Variants in GTF2IRD1 observed in about 807,000 individuals in gnomAD.
GTF2IRD1 encodes GTF2I repeat domain containing 1, also known as general transcription factor II-I repeat domain-containing protein 1.
Under a neutral mutation model 113.2 loss-of-function variants are expected in GTF2IRD1, and 26 were observed. That is an observed-to-expected ratio of 0.23 (90% CI 0.17 to 0.32). The LOEUF (loss-of-function observed/expected upper bound fraction) is 0.32, where lower values mean the gene tolerates loss of function less well. Ranked by LOEUF, GTF2IRD1 falls within the 10% of genes least tolerant of loss-of-function variation. The pLI, the probability that GTF2IRD1 is intolerant of heterozygous loss-of-function variation, is 1.00. For missense variants in GTF2IRD1, 864 were observed against 1,280.8 expected, an observed-to-expected ratio of 0.67 and a Z score of 4.97; for synonymous variants, 484 against 529.1, an observed-to-expected ratio of 0.91 and a Z score of 1.17.
chr7:74,496,115 C>T (rs1347015201), intron 1 of GTF2IRD1, among the ~76,000 whole-genome samples: 1 of 151,378 alleles, frequency 6.6e-6, no homozygotes, highest in Non-Finnish European at 1.5e-5. Context: ...TGTGTGTATG[C>T]ATGTGTGAGT....
rs181198392 is a variant in GTF2IRD1, at chr7:74,478,099, T to G, written c.-7+23923T>G. Among the ~76,000 whole-genome samples, 858 of 152,234 alleles carry G rather than the reference T, an allele frequency of 5.6e-3. 27 individuals are homozygous for G. The highest frequency in any genetic ancestry group is 0.045 in the Admixed American group (692 of 15,280). On this transcript the variant is annotated intron_variant, in intron 1 of 26. Transcript: ENST00000424337. ...CCATGCACATGAGCTCAGATAAGCC[T>G]CCGGGGCTCAGCCAGAACTGGGGGC...
intron 1 of GTF2IRD1, among the ~76,000 whole-genome samples, chr7:74,468,495 TA>T (rs1283590085): frequency 1.3e-5 from 2 of 151,184 alleles, no homozygotes; most frequent in Admixed American, 1.3e-4. Context: ...CCATCTCTAC[TA>T]AAAATACAAA....
intron 4 of GTF2IRD1, among the ~76,000 whole-genome samples, chr7:74,516,581 C>T (rs1248513285): frequency 2.6e-5 from 4 of 151,278 alleles, no homozygotes; most frequent in African/African-American, 4.9e-5. Flanking sequence ...TTGGCTTTAT[C>T]CCTTCTCCTA....
At chr7:74,565,142 C>G (rs781987218) in intron 22 of GTF2IRD1, among the ~76,000 whole-genome samples, 2 of 152,160 alleles carry the variant, frequency 1.3e-5, no homozygotes, top group Non-Finnish European at 2.9e-5. Context: ...AACCCACGCT[C>G]GACCCTGGGG....
At chr7:74,582,708 C>T (rs1554366502) in intron 22 of GTF2IRD1, among the ~76,000 whole-genome samples, 2 of 152,162 alleles carry the variant, frequency 1.3e-5, no homozygotes, top group Non-Finnish European at 2.9e-5. Context: ...GTCTGATGAG[C>T]CAGGGACTTT....
At chr7:74,500,552 G>A (rs1554339181) in intron 1 of GTF2IRD1, among the ~76,000 whole-genome samples, 1 of 152,074 alleles carries the variant, frequency 6.6e-6, no homozygotes, top group Non-Finnish European at 1.5e-5. Context: ...CAGCGGGCCA[G>A]GCCTCTCAGT....
At chr7:74,500,394 G>A (rs1795966436) in intron 1 of GTF2IRD1, among the ~76,000 whole-genome samples, 1 of 151,120 alleles carries the variant, frequency 6.6e-6, no homozygotes, top group Admixed American at 6.6e-5. Flanking sequence ...ACCAGCCTGG[G>A]AAACATAGTG....
At chr7:74,574,507 G>A (rs1800895053) in intron 22 of GTF2IRD1, among the ~76,000 whole-genome samples, 1 of 149,088 alleles carries the variant, frequency 6.7e-6, no homozygotes, top group South Asian at 2.1e-4. Flanking sequence ...CACTCAGGCT[G>A]GAGTGCAGTA....
At chr7:74,544,068 C>T (rs1798784812) in intron 14 of GTF2IRD1, among the ~76,000 whole-genome samples, 1 of 152,068 alleles carries the variant, frequency 6.6e-6, no homozygotes, top group African/African-American at 2.4e-5. Context: ...TCACATCCTC[C>T]TCAGGCAACC....
intron 22 of GTF2IRD1, among the ~76,000 whole-genome samples, chr7:74,564,194 TTTTTGTA>T (rs1363227454): frequency 2.6e-5 from 4 of 152,144 alleles, no homozygotes; most frequent in Non-Finnish European, 4.4e-5. Flanking sequence ...ACTCGGCTAA[TTTTTGTA>T]TTTTGAGTAG....
chr7:74,584,917 TC>T (rs1291717376), intron 22 of GTF2IRD1, among the ~76,000 whole-genome samples: 1 of 151,994 alleles, frequency 6.6e-6, no homozygotes, highest in Non-Finnish European at 1.5e-5. Context: ...TTCTCCTGCC[TC>T]CGCCCCCGGA....
At position 74,454,179 on chromosome 7, in the gene GTF2IRD1, A is replaced by G. The variant is rs1371897152; in HGVS notation, c.-7+3A>G. ...GGAGCGCTTGGGGATCCTCCAAGGT[A>G]GGAGAAACTTTTGCGGGGGGCGGGC... is the stretch of plus-strand genomic sequence containing the variant. On this transcript the variant is annotated splice_donor_region_variant and intron_variant, in intron 1 of 26. Coordinates refer to ENST00000424337, the MANE Select transcript of GTF2IRD1 (RefSeq NM_005685.4). 6.6e-6 allele frequency: 1 copy of G among 150,796 alleles called. No individual in the cohort carries two copies. Among genetic ancestry groups the G allele is most frequent in the Non-Finnish European group, 1.5e-5 (1 of 67,756 alleles). 9.3% of individuals were successfully genotyped at this position (150,796 alleles called of 1,614,324 possible).
intron 22 of GTF2IRD1, among the ~76,000 whole-genome samples, chr7:74,568,756 C>T (rs1273782590): frequency 6.6e-6 from 1 of 152,126 alleles, no homozygotes; most frequent in African/African-American, 2.4e-5. Context: ...CAGGGAGGGA[C>T]AGGGGAGGGT....
chr7:74,515,713 A>G (rs1554344516), intron 4 of GTF2IRD1, 117 bp downstream of exon 4: 2 of 807,346 alleles, frequency 2.5e-6, no homozygotes, highest in African/African-American at 3.5e-5. Flanking sequence ...GCCGGACCCC[A>G]AGGCATGGGG....
intron 1 of GTF2IRD1, among the ~76,000 whole-genome samples, chr7:74,454,635 C>G (rs1040234915): frequency 3.9e-5 from 6 of 152,088 alleles, no homozygotes; most frequent in Non-Finnish European, 7.4e-5. Flanking sequence ...GGCCCGCGCC[C>G]CCAACTCCCA....
At chr7:74,517,883 C>T (rs1197797473) in intron 4 of GTF2IRD1, among the ~76,000 whole-genome samples, 2 of 152,180 alleles carry the variant, frequency 1.3e-5, no homozygotes, top group Non-Finnish European at 2.9e-5. Flanking sequence ...GGGGCTTGGT[C>T]GGGGAGGGCA....
At chr7:74,454,588 T>TC (rs113443818) in intron 1 of GTF2IRD1, among the ~76,000 whole-genome samples, 94,264 of 151,780 alleles carry the variant, frequency 0.62, 30,059 homozygotes, top group East Asian at 0.81. Flanking sequence ...TCCCCGCCTT[T>TC]CCCCCCTCCA....
At chr7:74,498,754 ACT>A (rs1344948663) in intron 1 of GTF2IRD1, among the ~76,000 whole-genome samples, 1 of 143,606 alleles carries the variant, frequency 7.0e-6, no homozygotes, top group African/African-American at 2.6e-5. Context: ...AATAAGATGG[ACT>A]CTCACTCTTT....
At chr7:74,588,714 T>C (rs1554368585) in intron 22 of GTF2IRD1, among the ~76,000 whole-genome samples, 1 of 152,114 alleles carries the variant, frequency 6.6e-6, no homozygotes, top group Non-Finnish European at 1.5e-5. Flanking sequence ...GTATTTTTAG[T>C]ACAGACGGGG....
Sources: allele counts gnomAD v4.1 joint callset (sites outside exome capture counted in the v4.1 genomes callset), GRCh38; gene constraint gnomAD v4.1.1; transcripts MANE v1.5; gene names NCBI Gene and HGNC (gene_info 2026-07-23, HGNC 2026-07-21).